MAK: variants seen among roughly 807,000 people sequenced by gnomAD.
The protein encoded by MAK is serine/threonine-protein kinase MAK.
MAK carries 65 observed loss-of-function variants against 82.6 expected under a neutral mutation model. That is an observed-to-expected ratio of 0.79 (90% confidence interval 0.64 to 0.97). The LOEUF is 0.97. Ranked by LOEUF, MAK falls within the 50% of genes least tolerant of loss-of-function variation. The pLI is 0.00. For missense variants in MAK, 703 were observed against 780.2 expected (o/e 0.90, Z 1.18); for synonymous variants, 250 against 274.2 (o/e 0.91, Z 0.87).
At chr6:10,791,936 TC>T in intron 9 of MAK, 89 bp from the exon 10 acceptor site, 3 of 1,370,806 alleles carry the variant, frequency 2.2e-6, no homozygotes, top group Non-Finnish European at 2.1e-6. Flanking sequence ...ACACTAACAG[TC>T]CCCATTCTCA....
At chr6:10,787,235 T>A (rs903127029) in intron 10 of MAK, among the ~76,000 whole-genome samples, 5 of 152,020 alleles carry the variant, frequency 3.3e-5, no homozygotes, top group African/African-American at 1.2e-4. Flanking sequence ...CCAATTCACC[T>A]CCTATTCACA....
intron 5 of MAK, among the ~76,000 whole-genome samples, chr6:10,809,964 G>T (rs1314818738): frequency 6.6e-6 from 1 of 151,942 alleles, no homozygotes; most frequent in African/African-American, 2.4e-5. Context: ...CGGGCATGGT[G>T]GTGTGCGCCT....
chr6:10,771,279 G>A (rs1373898055), intron 13 of MAK, among the ~76,000 whole-genome samples: 1 of 152,098 alleles, frequency 6.6e-6, no homozygotes, highest in Non-Finnish European at 1.5e-5. Context: ...AAGAGAACAG[G>A]TAGAGAGGTG....
At chr6:10,821,089 T>C (rs899686072) in intron 2 of MAK, among the ~76,000 whole-genome samples, 1 of 151,886 alleles carries the variant, frequency 6.6e-6, no homozygotes, top group East Asian at 1.9e-4. Flanking sequence ...GCTGGGACTA[T>C]AGGTACATGC....
chr6:10,764,377 G>C lies in MAK; in HGVS notation c.*75C>G. 2.0e-6 allele frequency: 3 copies of C among 1,491,438 alleles called. No individual in the cohort carries two copies. The South Asian group carries it at 3.5e-5, about 17-fold the overall frequency. 92.4% of individuals were successfully genotyped at this position (1,491,438 alleles called of 1,614,324 possible). A position where few individuals can be genotyped will look rare whatever the true frequency, so the allele number is the denominator to read the frequency against. ...CAGAACTCAGTAGAAATAGACATTT[G>C]TAGACATTTCCCAGGGTCAAGGAAC... is the stretch of plus-strand genomic sequence containing the variant. On this transcript the variant is annotated 3_prime_UTR_variant, in exon 15 of 15. Transcript: ENST00000354489.
In MAK at chr6:10,773,041, G is replaced by A. The variant is rs1182662343; in HGVS notation, c.1665C>T (p.Asp555=). Residue 555 remains aspartate, a synonymous_variant, in exon 13 of 15, where the codon GAC becomes GAT. Transcript: ENST00000354489. ...CTGACGCCCAGAAATTACCTTGTGG[G>A]TCCTCTAATTTTTCAGGAAAAGTTT... The part of the protein sequence containing the change: ...CNETFPEKLE[D]PQGNLGSYAT... 6.5e-7 allele frequency: 1 copy of A among 1,528,816 alleles called. No individual in the cohort carries two copies. The highest frequency in any genetic ancestry group is 8.8e-7 in the Non-Finnish European group (1 of 1,140,570). The allele number at this position is 1,528,816 out of a possible 1,614,324, so 94.7% of individuals were successfully genotyped here.
At chr6:10,788,844 C>A (rs1005977010) in intron 10 of MAK, among the ~76,000 whole-genome samples, 3 of 152,168 alleles carry the variant, frequency 2.0e-5, no homozygotes, top group Non-Finnish European at 4.4e-5. Context: ...AATTATGTAA[C>A]TCCCTGCACA....
At chr6:10,808,754 T>C (rs1776692402) in intron 6 of MAK, 56 bp downstream of exon 6, 5 of 1,542,902 alleles carry the variant, frequency 3.2e-6, no homozygotes, top group Non-Finnish European at 4.5e-6. Context: ...CAATCCATCG[T>C]AGGAAAATTT....
chr6:10,805,447 T>G (rs563084570), intron 6 of MAK, among the ~76,000 whole-genome samples: 1 of 151,020 alleles, frequency 6.6e-6, no homozygotes, highest in East Asian at 2.0e-4. Flanking sequence ...CTTAGCTGGG[T>G]GTAGTGGTGG....
chr6:10,795,941 A>C (rs1322462470), intron 9 of MAK, 57 bp downstream of exon 9: 1 of 1,567,656 alleles, frequency 6.4e-7, no homozygotes, highest in Admixed American at 1.7e-5. Context: ...CCTCGAAAAA[A>C]ATCTTAATTG....
intron 2 of MAK, among the ~76,000 whole-genome samples, chr6:10,822,710 C>T (rs1297579327): frequency 6.6e-6 from 1 of 152,110 alleles, no homozygotes; most frequent in Non-Finnish European, 1.5e-5. Context: ...CGTCAATATC[C>T]ACTCCATGCC....
chr6:10,830,297 C>T (rs1173838287), intron 2 of MAK, among the ~76,000 whole-genome samples: 1 of 151,414 alleles, frequency 6.6e-6, no homozygotes, highest in Non-Finnish European at 1.5e-5. Flanking sequence ...TCCTGAGTAG[C>T]TGGGATTACA....
At chr6:10,815,903 C>A (rs1777431345) in intron 4 of MAK, among the ~76,000 whole-genome samples, 1 of 103,500 alleles carries the variant, frequency 9.7e-6, no homozygotes, top group Non-Finnish European at 1.9e-5. Flanking sequence ...ATTAGTGTAG[C>A]TTTATACAGT....
chr6:10,765,191 T>C lies in MAK; in HGVS notation c.1793-585A>G, dbSNP rs1772298268. Among the ~76,000 whole-genome samples the C allele has an allele frequency of 2.0e-5, 3 of 152,194 alleles. No homozygotes were observed. In the South Asian group the frequency reaches 6.2e-4, roughly 31 times the overall value. On this transcript the variant is annotated intron_variant, in intron 14 of 14. Coordinates refer to ENST00000354489, the MANE Select transcript of MAK (RefSeq NM_001242957.3). Reference sequence around the variant, plus strand: ...GCTGCTATTTTTAATATTTTACATTTAGATAGGCAACGCCAGGTAAGAAGA... The same window carrying C: ...GCTGCTATTTTTAATATTTTACATTCAGATAGGCAACGCCAGGTAAGAAGA...
At chr6:10,836,002 G>C (rs911955720) in intron 1 of MAK, among the ~76,000 whole-genome samples, 3 of 152,184 alleles carry the variant, frequency 2.0e-5, no homozygotes, top group East Asian at 3.8e-4. Context: ...TGCGTGCACA[G>C]TCTCTTTGCG....
chr6:10,772,928 C>T (rs780643233), intron 13 of MAK, 106 bp downstream of exon 13: 213 of 719,358 alleles, frequency 3.0e-4, no homozygotes, highest in Non-Finnish European at 3.3e-4. Context: ...CTTCTCAAAG[C>T]GGATCATCTC....
chr6:10,791,896 C>T (rs1052301442), intron 9 of MAK, 49 bp from the exon 10 acceptor site: 25 of 1,581,018 alleles, frequency 1.6e-5, no homozygotes, highest in East Asian at 6.7e-5. Context: ...TACTGAATGC[C>T]TTTCATGCAC....
At chr6:10,783,959 C>T (rs551244298) in intron 11 of MAK, among the ~76,000 whole-genome samples, 2 of 152,120 alleles carry the variant, frequency 1.3e-5, no homozygotes, top group Non-Finnish European at 1.5e-5. Context: ...GTGGAGGTTG[C>T]AGTGAGCCGA....
At chr6:10,791,600 A>C in intron 10 of MAK, 75 bp downstream of exon 10, 1 of 1,363,110 alleles carries the variant, frequency 7.3e-7, no homozygotes, top group East Asian at 2.3e-5. Flanking sequence ...TAGGGTCTAC[A>C]TGCATTTATA....
Sources: gnomAD v4.1 joint callset for allele counts (sites outside exome capture counted in the v4.1 genomes callset) on GRCh38, gnomAD v4.1.1 for gene constraint, MANE v1.5 for transcripts, NCBI Gene and HGNC (gene_info 2026-07-23, HGNC 2026-07-21) for gene names.